Variants in TMEM239 observed in about 807,000 individuals in gnomAD.
TMEM239 encodes transmembrane protein 239.
A neutral mutation model predicts 14.6 loss-of-function variants in TMEM239; 10 were observed. The observed-to-expected ratio is 0.68, with a 90% CI of 0.42 to 1.16. The LOEUF (loss-of-function observed/expected upper bound fraction) is 1.16. Among genes scored for constraint, TMEM239 ranks in the 50% most tolerant of loss-of-function variants. The pLI, the probability that TMEM239 is intolerant of heterozygous loss-of-function variation, is 0.00. For synonymous variants in TMEM239, 94 were observed against 89.9 expected, an observed-to-expected ratio of 1.05 and a Z score of -0.26; for missense variants, 183 against 194.4, an observed-to-expected ratio of 0.94 and a Z score of 0.35.
downstream of TMEM239, chr20:2,819,778 G>T (rs2088707875): frequency 6.6e-6 from 1 of 151,922 alleles, no homozygotes; most frequent in African/African-American, 2.4e-5. Flanking sequence ...GTTTCACCAT[G>T]TTGGCCAGGC....
chr20:2,816,773 G>A lies in TMEM239; in HGVS notation c.219G>A (p.Leu73=), dbSNP rs1341818955. ...WGLEGILYLL[L]ALMLCHALFT... ...TGGAGGGGATACTCTACCTGCTGCT[G>A]GCACTGATGTTGTGCCATGCACTCT... The change falls in exon 2 of 2, where the codon CTG becomes CTA. Residue 73 remains leucine, a synonymous_variant. Coordinates refer to ENST00000380585, the MANE Select transcript of TMEM239 (RefSeq NM_001167670.3). 2 of 1,551,184 alleles carry A rather than the reference G, an allele frequency of 1.3e-6. No individual in the cohort carries two copies. The highest frequency in any genetic ancestry group is 2.4e-5 in the South Asian group (2 of 84,064).
At position 2,816,875 on chromosome 20, in the gene TMEM239, CCTGCTGCTGGTGCTCAGTGCT is replaced by C. The variant is rs2088681109; in HGVS notation, c.326_346del (p.Leu109_Leu115del). ...TGTGGCGCCACCTGCTACCGGCTCT[CCTGCTGCTGGTGCTCAGTGCT>C]CTGCCTGCCCTCCTCTTCACGGCCT... is the stretch of plus-strand genomic sequence containing the variant. On this transcript the variant is annotated inframe_deletion, in exon 2 of 2. Transcript: ENST00000380585. 6.5e-7 allele frequency: 1 copy of C among 1,544,868 alleles called. No homozygotes were observed. The highest frequency in any genetic ancestry group is 8.7e-7 in the Non-Finnish European group (1 of 1,146,994).
At chr20:2,815,890 C>A, upstream of TMEM239, 1 of 844,904 alleles carries the variant, frequency 1.2e-6, no homozygotes, top group Non-Finnish European at 1.9e-6. Context: ...TTCTTCCCAG[C>A]CTGAACCTCA....
chr20:2,816,313 C>A (rs771478304), upstream of TMEM239: 2 of 1,534,658 alleles, frequency 1.3e-6, no homozygotes, highest in South Asian at 2.4e-5. Flanking sequence ...CAAAGGGGCT[C>A]CTCTGGGGAG....
rs530053190 is a variant in TMEM239, at chr20:2,817,022, C to A, written c.*9C>A. The A allele has an allele frequency of 2.0e-6, 3 of 1,537,704 alleles. No individual in the cohort carries two copies. The highest frequency in any genetic ancestry group is 1.7e-4 in the Middle Eastern group (1 of 6,016). On this transcript the variant is annotated 3_prime_UTR_variant, in exon 2 of 2. Coordinates refer to ENST00000380585, the MANE Select transcript of TMEM239 (RefSeq NM_001167670.3). Reference sequence around the variant, plus strand: ...AGGATTTGGATCAATAGAAGGGCAACCCCATCCCACTGCCTGTGTCTGTTG... The same window carrying A: ...AGGATTTGGATCAATAGAAGGGCAAACCCATCCCACTGCCTGTGTCTGTTG...
At chr20:2,818,465 G>T (rs1236318626), downstream of TMEM239, 2 of 152,220 alleles carry the variant, frequency 1.3e-5, no homozygotes, top group African/African-American at 4.8e-5. Context: ...TAAATACTCA[G>T]GGCCTTGGGG....
In TMEM239 at chr20:2,816,638, C is replaced by T. The variant is rs1471420298; in HGVS notation, c.84C>T (p.Val28=). The change falls in exon 2 of 2, where the codon GTC becomes GTT. Residue 28 remains valine (V), a synonymous_variant. Transcript: ENST00000380585. Reference sequence around the variant, plus strand: ...AGGCAGTGCCCTGGTCAGCCTGGGTCACGAGGCATGGCTGGGTGCGCTGGT... The same window carrying T: ...AGGCAGTGCCCTGGTCAGCCTGGGTTACGAGGCATGGCTGGGTGCGCTGGT... The part of the protein sequence containing the change: ...PQQAVPWSAW[V]TRHGWVRWWV... 1 of 1,540,764 alleles carries T rather than the reference C, an allele frequency of 6.5e-7. No individual in the cohort carries two copies. The highest frequency in any genetic ancestry group is 2.4e-5 in the East Asian group (1 of 40,920).
chr20:2,816,221 G>A (rs911575413), upstream of TMEM239: 4 of 869,568 alleles, frequency 4.6e-6, no homozygotes, highest in Admixed American at 4.9e-5. Context: ...CCAGCCTGGA[G>A]GGTCCGTGCA....
chr20:2,818,878 C>T (rs1480262404), downstream of TMEM239: 1 of 152,262 alleles, frequency 6.6e-6, no homozygotes, highest in Non-Finnish European at 1.5e-5. Flanking sequence ...TATGCTGTGA[C>T]CATCCCATTT....
At position 2,816,656 on chromosome 20, in the gene TMEM239, G is replaced by A. The variant is rs1001669108; in HGVS notation, c.102G>A (p.Val34=). The A allele has an allele frequency of 7.1e-6, 11 of 1,541,826 alleles. No individual in the cohort carries two copies. Among genetic ancestry groups the A allele is most frequent in the Non-Finnish European group, 8.7e-6 (10 of 1,146,272 alleles). Reference sequence around the variant, plus strand: ...CCTGGGTCACGAGGCATGGCTGGGTGCGCTGGTGGGTGAGCCACATGCCCC... The same window carrying A: ...CCTGGGTCACGAGGCATGGCTGGGTACGCTGGTGGGTGAGCCACATGCCCC... The part of the protein sequence containing the change: ...WSAWVTRHGW[V]RWWVSHMPPS... Residue 34 remains valine, a synonymous_variant, in exon 2 of 2, where the codon GTG becomes GTA. Transcript: ENST00000380585.
At chr20:2,818,838 G>C (rs2088701928), downstream of TMEM239, 1 of 152,220 alleles carries the variant, frequency 6.6e-6, no homozygotes, top group Non-Finnish European at 1.5e-5. Context: ...TGAAGGACCT[G>C]GGACCACTCC....
chr20:2,816,599 C>G lies in TMEM239; in HGVS notation c.45C>G (p.Gly15=). The G allele has an allele frequency of 1.3e-6, 2 of 1,536,376 alleles. No individual in the cohort carries two copies. The highest frequency in any genetic ancestry group is 1.7e-6 in the Non-Finnish European group (2 of 1,146,504). The part of the protein sequence containing the change: ...PRVETDTIGA[G]EGPQQAVPWS... ...TGGAGACAGATACCATCGGGGCTGG[C>G]GAGGGGCCACAGCAGGCAGTGCCCT... The change falls in exon 2 of 2, where the codon GGC becomes GGG. Residue 15 remains glycine, a synonymous_variant. Coordinates refer to ENST00000380585, the MANE Select transcript of TMEM239 (RefSeq NM_001167670.3).
Position 2,816,836 on chromosome 20 carries a change from T to A in TMEM239, c.282T>A (p.Pro94=). 1 of 1,549,786 alleles carries A rather than the reference T, an allele frequency of 6.5e-7. No individual in the cohort carries two copies. Among genetic ancestry groups the A allele is most frequent in the Admixed American group, 2.0e-5 (1 of 51,012 alleles). Reference sequence around the variant, plus strand: ...CCCACCTGCTGAGCTCCTTGTGGCCTGTCGTGGCCGCGGTGTGGCGCCACC... The same window carrying A: ...CCCACCTGCTGAGCTCCTTGTGGCCAGTCGTGGCCGCGGTGTGGCGCCACC... The part of the protein sequence containing the change: ...TGSHLLSSLW[P]VVAAVWRHLL... The change falls in exon 2 of 2, where the codon CCT becomes CCA. Residue 94 remains proline, a synonymous_variant. Transcript: ENST00000380585.
In TMEM239 at chr20:2,817,214, G is replaced by T. The variant is rs1568609295; in HGVS notation, c.*201G>T. On this transcript the variant is annotated 3_prime_UTR_variant, in exon 2 of 2. Transcript: ENST00000380585. ...AGGTTCCTGGTGTGAGGGGCTGGGGGCTTTGAGAAGAGGGGGCAAGACAGA... is the reference window on the plus strand; with the variant it reads ...AGGTTCCTGGTGTGAGGGGCTGGGGTCTTTGAGAAGAGGGGGCAAGACAGA... The T allele has an allele frequency of 1.4e-6, 1 of 689,820 alleles. No homozygotes were observed. The highest frequency in any genetic ancestry group is 1.9e-5 in the South Asian group (1 of 51,616). 42.7% of individuals were successfully genotyped at this position (689,820 alleles called of 1,614,324 possible).
chr20:2,816,002 C>T (rs1384147645), upstream of TMEM239, among the ~76,000 whole-genome samples: 2 of 152,170 alleles, frequency 1.3e-5, no homozygotes, highest in Non-Finnish European at 2.9e-5. Flanking sequence ...GTGGCAGCCA[C>T]CTCAGAGCCT....
Position 2,817,243 on chromosome 20 carries a change from CT to C in TMEM239, c.*232del. 1 of 620,316 alleles carries C rather than the reference CT, an allele frequency of 1.6e-6. No homozygotes were observed. The highest frequency in any genetic ancestry group is 2.8e-6 in the Non-Finnish European group (1 of 358,848). The allele number at this position is 620,316 out of a possible 1,614,324, so 38.4% of individuals were successfully genotyped here. A position where few individuals can be genotyped will look rare whatever the true frequency, so the allele number is the denominator to read the frequency against. On this transcript the variant is annotated 3_prime_UTR_variant, in exon 2 of 2. Coordinates refer to ENST00000380585, the MANE Select transcript of TMEM239 (RefSeq NM_001167670.3). Reference sequence around the variant, plus strand: ...TGAGAAGAGGGGGCAAGACAGATGGCTTAGCCATTGGTGAAAATTGCTTAGC... The same window carrying C: ...TGAGAAGAGGGGGCAAGACAGATGGCTAGCCATTGGTGAAAATTGCTTAGC...
At chr20:2,818,737 T>G (rs2146584017), downstream of TMEM239, 1 of 152,366 alleles carries the variant, frequency 6.6e-6, no homozygotes, top group Non-Finnish European at 1.5e-5. Flanking sequence ...CTCCATGCCC[T>G]TAGTGGAAAT....
intron 1 of TMEM239, 38 bp downstream of exon 1, chr20:2,816,453 G>A (rs570507367): frequency 1.8e-4 from 277 of 1,532,938 alleles, no homozygotes; most frequent in African/African-American, 1.4e-3. Flanking sequence ...CCCACCCCAC[G>A]CACACTGGTG....
downstream of TMEM239, chr20:2,820,145 A>G (rs1284915954): frequency 6.6e-6 from 1 of 152,260 alleles, no homozygotes; most frequent in Non-Finnish European, 1.5e-5. Context: ...CATGTCAGCA[A>G]AACAAGACAA....
Sources: allele counts gnomAD v4.1 joint callset (sites outside exome capture counted in the v4.1 genomes callset), GRCh38; gene constraint gnomAD v4.1.1; transcripts MANE v1.5; gene names NCBI Gene and HGNC (gene_info 2026-07-23, HGNC 2026-07-21).